OTUD7A: variants seen among roughly 807,000 people sequenced by gnomAD.
The protein encoded by OTUD7A is OTU domain-containing protein 7A.
A neutral mutation model predicts 65.7 loss-of-function variants in OTUD7A; 12 were observed. That is an observed-to-expected ratio of 0.18 (90% CI 0.12 to 0.30). The LOEUF (loss-of-function observed/expected upper bound fraction) is 0.30. Among genes scored for constraint, OTUD7A ranks in the 10% least tolerant of loss-of-function variants. OTUD7A has a pLI of 1.00. For missense variants in OTUD7A, 1,148 were observed against 1,304.8 expected, an observed-to-expected ratio of 0.88 and a Z score of 1.85; for synonymous variants, 641 against 586.3, an observed-to-expected ratio of 1.09 and a Z score of -1.35.
intron 1 of OTUD7A, among the ~76,000 whole-genome samples, chr15:31,747,332 C>T (rs1894507577): frequency 6.6e-6 from 1 of 152,068 alleles, no homozygotes; most frequent in African/African-American, 2.4e-5. Context: ...AAATAACATT[C>T]CCTAAATAAA....
At chr15:31,798,270 G>C (rs1365621406) in intron 1 of OTUD7A, among the ~76,000 whole-genome samples, 2 of 152,150 alleles carry the variant, frequency 1.3e-5, no homozygotes, top group African/African-American at 4.8e-5. Context: ...TCTGAGAGAG[G>C]GTGGCCCCAT....
chr15:31,851,287 T>C (rs1897418130), intron 1 of OTUD7A, among the ~76,000 whole-genome samples: 1 of 152,096 alleles, frequency 6.6e-6, no homozygotes, highest in Non-Finnish European at 1.5e-5. Flanking sequence ...GAAGAACAGG[T>C]AATGTGAGAG....
intron 1 of OTUD7A, among the ~76,000 whole-genome samples, chr15:31,783,866 T>C (rs757670336): frequency 1.3e-5 from 2 of 152,246 alleles, no homozygotes; most frequent in African/African-American, 2.4e-5. Flanking sequence ...GTAGTGAGCC[T>C]GTCACTTTAA....
chr15:31,497,214 T>C (rs1049053497), intron 10 of OTUD7A, among the ~76,000 whole-genome samples: 2 of 151,988 alleles, frequency 1.3e-5, no homozygotes, highest in Admixed American at 6.6e-5. Flanking sequence ...TGTTTGTATA[T>C]ATGAGGGAAA....
chr15:31,617,982 A>G (rs561042929), intron 3 of OTUD7A, among the ~76,000 whole-genome samples: 7 of 147,148 alleles, frequency 4.8e-5, no homozygotes, highest in African/African-American at 1.3e-4. Context: ...CCTGTGTCCA[A>G]GTGTTCTCAT....
intron 1 of OTUD7A, among the ~76,000 whole-genome samples, chr15:31,687,893 C>A (rs1166646196): frequency 1.3e-5 from 2 of 152,146 alleles, no homozygotes; most frequent in African/African-American, 4.8e-5. Flanking sequence ...TGCCCCATTG[C>A]TTACTAGTAA....
intron 3 of OTUD7A, among the ~76,000 whole-genome samples, chr15:31,628,152 C>A (rs1891022927): frequency 6.6e-6 from 1 of 152,302 alleles, no homozygotes; most frequent in Non-Finnish European, 1.5e-5. Context: ...GTGTTTTAGA[C>A]ATGAAGTCCT....
Position 31,559,090 on chromosome 15 carries a change from G to A in OTUD7A, c.429C>T (p.Pro143=). 2 of 1,613,368 alleles carry A rather than the reference G, an allele frequency of 1.2e-6. No individual in the cohort carries two copies. Among genetic ancestry groups the A allele is most frequent in the Non-Finnish European group, 1.7e-6 (2 of 1,179,774 alleles). Residue 143 remains proline, a synonymous_variant, in exon 5 of 13, where the codon CCC becomes CCT. Coordinates refer to ENST00000307050, the MANE Select transcript of OTUD7A (RefSeq NM_001382637.1). Reference sequence around the variant, plus strand: ...GGAATGTGTAGATTGGCATCTCCAGGGGGAACTGCTCGTTGTTGCATTCAC... The same window carrying A: ...GGAATGTGTAGATTGGCATCTCCAGAGGGAACTGCTCGTTGTTGCATTCAC... ...VASECNNEQF[P]LEMPIYTFQL...
intron 1 of OTUD7A, among the ~76,000 whole-genome samples, chr15:31,838,911 T>C (rs1897120591): frequency 6.6e-6 from 1 of 152,218 alleles, no homozygotes; most frequent in South Asian, 2.1e-4. Flanking sequence ...CTTTGCCAAA[T>C]GCATGTTGGG....
chr15:31,526,295 C>G, intron 8 of OTUD7A, 54 bp downstream of exon 8: 2 of 1,489,658 alleles, frequency 1.3e-6, no homozygotes, highest in South Asian at 1.3e-5. Flanking sequence ...GTGTGTAGCC[C>G]TGGGTGGCCT....
At chr15:31,836,593 C>T (rs1897060442) in intron 1 of OTUD7A, among the ~76,000 whole-genome samples, 1 of 152,096 alleles carries the variant, frequency 6.6e-6, no homozygotes, top group African/African-American at 2.4e-5. Context: ...AACAAACCTC[C>T]ACAAAATATT....
intron 4 of OTUD7A, among the ~76,000 whole-genome samples, chr15:31,561,145 G>C (rs1888674567): frequency 6.6e-6 from 1 of 152,184 alleles, no homozygotes; most frequent in Non-Finnish European, 1.5e-5. Context: ...TAAGTTCTTT[G>C]TATTTTGCAG....
chr15:31,815,013 C>T (rs1033280860), intron 1 of OTUD7A, among the ~76,000 whole-genome samples: 6 of 152,166 alleles, frequency 3.9e-5, no homozygotes, highest in Non-Finnish European at 7.4e-5. Context: ...CTGCCATGTT[C>T]CCTGACTCTC....
intron 1 of OTUD7A, among the ~76,000 whole-genome samples, chr15:31,736,127 G>A (rs1894185363): frequency 1.3e-5 from 2 of 152,214 alleles, no homozygotes; most frequent in Middle Eastern, 3.4e-3. Flanking sequence ...CTTAATACCT[G>A]GGAGATGAAA....
chr15:31,684,640 C>A (rs1892795059), intron 1 of OTUD7A, among the ~76,000 whole-genome samples: 1 of 142,942 alleles, frequency 7.0e-6, no homozygotes, highest in African/African-American at 2.5e-5. Flanking sequence ...TTCTTTGCCA[C>A]GTGGGCCTTT....
intron 1 of OTUD7A, among the ~76,000 whole-genome samples, chr15:31,793,475 T>C (rs932541402): frequency 1.3e-5 from 2 of 152,244 alleles, no homozygotes; most frequent in Non-Finnish European, 2.9e-5. Context: ...TCCATTGTTA[T>C]CTTCTTCTTA....
At chr15:31,864,838 C>T (rs1007844372) in intron 1 of OTUD7A, among the ~76,000 whole-genome samples, 1 of 152,030 alleles carries the variant, frequency 6.6e-6, no homozygotes, top group Non-Finnish European at 1.5e-5. Flanking sequence ...GTTACAAGTG[C>T]AAACTATGAC....
At chr15:31,794,772 GA>G (rs1201767450) in intron 1 of OTUD7A, among the ~76,000 whole-genome samples, 1 of 152,158 alleles carries the variant, frequency 6.6e-6, no homozygotes, top group African/African-American at 2.4e-5. Flanking sequence ...CTCCTCCAGT[GA>G]GCAATTCATA....
chr15:31,661,459 A>G (rs1005757393), intron 1 of OTUD7A, among the ~76,000 whole-genome samples: 3 of 152,224 alleles, frequency 2.0e-5, no homozygotes, highest in Admixed American at 1.3e-4. Context: ...CTGATGGTAT[A>G]TATTTTAAAA....
Sources: gnomAD v4.1 joint callset for allele counts (sites outside exome capture counted in the v4.1 genomes callset) on GRCh38, gnomAD v4.1.1 for gene constraint, MANE v1.5 for transcripts, NCBI Gene and HGNC (gene_info 2026-07-23, HGNC 2026-07-21) for gene names.